Variants in WDPCP observed in about 807,000 individuals in gnomAD.
The protein encoded by WDPCP is WD repeat containing planar cell polarity effector.
A neutral mutation model predicts 93.1 loss-of-function variants in WDPCP; 71 were observed. The ratio of observed to expected loss-of-function variants is 0.76; its 90% CI spans 0.63 to 0.93. The LOEUF is 0.93. WDPCP is among the 40% of genes least tolerant of loss of function. The probability of loss-of-function intolerance (pLI) is 0.00; values close to 1 mark genes in which losing one functional copy is unlikely to be tolerated. For missense variants in WDPCP, 844 were observed against 887.4 expected (o/e 0.95, Z 0.62); for synonymous variants, 315 against 315.0 (o/e 1.00, Z 0.00).
intron 2 of WDPCP, among the ~76,000 whole-genome samples, chr2:63,705,940 T>C (rs1275751051): frequency 2.0e-5 from 3 of 152,146 alleles, no homozygotes; most frequent in Non-Finnish European, 4.4e-5. Flanking sequence ...CTAAGTCTCT[T>C]TGTAGGTCAC....
intron 3 of WDPCP, among the ~76,000 whole-genome samples, chr2:63,617,569 G>T (rs569841348): frequency 2.0e-5 from 3 of 152,296 alleles, no homozygotes; most frequent in Non-Finnish European, 4.4e-5. Flanking sequence ...GGGCTGCTCA[G>T]GGGTGGTGGA....
intron 2 of WDPCP, among the ~76,000 whole-genome samples, chr2:63,722,693 C>T (rs1475209919): frequency 6.7e-6 from 1 of 148,232 alleles, no homozygotes; most frequent in South Asian, 2.1e-4. Flanking sequence ...CCAGCCGCCC[C>T]GTCCGGGAGG....
intron 17 of WDPCP, among the ~76,000 whole-genome samples, chr2:63,134,835 C>G (rs543729413): frequency 8.5e-5 from 13 of 152,192 alleles, no homozygotes; most frequent in African/African-American, 3.1e-4. Flanking sequence ...TTTCAAAGCT[C>G]AAGATTGGGG....
chr2:63,805,238 A>C (rs1558914937), intron 2 of WDPCP, among the ~76,000 whole-genome samples: 1 of 152,182 alleles, frequency 6.6e-6, no homozygotes, highest in Non-Finnish European at 1.5e-5. Flanking sequence ...TTTTGAACCC[A>C]TATGCTCAGT....
chr2:63,204,279 G>T (rs548190662), intron 14 of WDPCP, among the ~76,000 whole-genome samples: 28 of 148,420 alleles, frequency 1.9e-4, no homozygotes, highest in African/African-American at 6.9e-4. Flanking sequence ...CTGTAGTTTT[G>T]ATTTGCATTT....
intron 1 of WDPCP, among the ~76,000 whole-genome samples, chr2:63,577,412 G>T (rs1708190437): frequency 6.6e-6 from 1 of 152,136 alleles, no homozygotes; most frequent in African/African-American, 2.4e-5. Context: ...TTGCTGAATG[G>T]AAATGAAGCA....
intron 13 of WDPCP, among the ~76,000 whole-genome samples, chr2:63,264,714 T>TA (rs1483820991): frequency 6.6e-6 from 1 of 151,972 alleles, no homozygotes; most frequent in Non-Finnish European, 1.5e-5. Flanking sequence ...AAACTACAAT[T>TA]AAAAAAATGG....
intron 2 of WDPCP, among the ~76,000 whole-genome samples, chr2:63,704,421 A>C (rs1307591084): frequency 6.6e-6 from 1 of 152,138 alleles, no homozygotes; most frequent in African/African-American, 2.4e-5. Context: ...ATTCAGTATG[A>C]TATTGGCTGT....
At chr2:63,190,203 G>A (rs927584448) in intron 14 of WDPCP, among the ~76,000 whole-genome samples, 2 of 152,000 alleles carry the variant, frequency 1.3e-5, no homozygotes, top group African/African-American at 4.8e-5. Flanking sequence ...TGAGGCGGGC[G>A]GATTGCTTGA....
intron 10 of WDPCP, among the ~76,000 whole-genome samples, chr2:63,392,980 C>T (rs1693407615): frequency 6.6e-6 from 1 of 152,234 alleles, no homozygotes; most frequent in Non-Finnish European, 1.5e-5. Flanking sequence ...GACAGTGTGG[C>T]GATTCCTCAA....
At chr2:63,621,321 G>A (rs987636323) in intron 3 of WDPCP, among the ~76,000 whole-genome samples, 1 of 151,906 alleles carries the variant, frequency 6.6e-6, no homozygotes, top group Non-Finnish European at 1.5e-5. Context: ...CCAGTTTAGA[G>A]AAGAACATAA....
chr2:63,192,308 GATC>G (rs1276960275), intron 14 of WDPCP, among the ~76,000 whole-genome samples: 1 of 152,000 alleles, frequency 6.6e-6, no homozygotes, highest in Non-Finnish European at 1.5e-5. Context: ...TGCTAAATTA[GATC>G]ATCTCTAAAA....
intron 13 of WDPCP, among the ~76,000 whole-genome samples, chr2:63,296,436 T>A (rs1684863935): frequency 6.6e-6 from 1 of 152,106 alleles, no homozygotes; most frequent in Admixed American, 6.5e-5. Flanking sequence ...TACTGGGAAG[T>A]CCTAGCTGCA....
chr2:63,202,459 C>G (rs1574862329), intron 14 of WDPCP, among the ~76,000 whole-genome samples: 1 of 152,104 alleles, frequency 6.6e-6, no homozygotes. Context: ...GAGTTTACTA[C>G]AGATCTAAAA....
At chr2:63,396,744 C>G (rs1477340080) in intron 10 of WDPCP, among the ~76,000 whole-genome samples, 1 of 151,840 alleles carries the variant, frequency 6.6e-6, no homozygotes, top group East Asian at 1.9e-4. Flanking sequence ...GCCTGTTGAA[C>G]AGATTATTTA....
intron 2 of WDPCP, among the ~76,000 whole-genome samples, chr2:63,664,781 G>A (rs1041226178): frequency 6.6e-6 from 1 of 152,162 alleles, no homozygotes; most frequent in Non-Finnish European, 1.5e-5. Context: ...TATATGTTCA[G>A]CACTTTATAT....
chr2:63,210,134 A>C (rs1676655857), intron 14 of WDPCP, among the ~76,000 whole-genome samples: 1 of 151,738 alleles, frequency 6.6e-6, no homozygotes, highest in Admixed American at 6.6e-5. Context: ...ATACATATAA[A>C]ATTATAAATG....
At chr2:63,362,896 G>A (rs191432614) in intron 12 of WDPCP, among the ~76,000 whole-genome samples, 1 of 152,156 alleles carries the variant, frequency 6.6e-6, no homozygotes, top group African/African-American at 2.4e-5. Flanking sequence ...TTCTGCTTCA[G>A]TTTCCCTATA....
intron 2 of WDPCP, among the ~76,000 whole-genome samples, chr2:63,796,894 T>G (rs1438754328): frequency 1.3e-5 from 2 of 152,024 alleles, no homozygotes; most frequent in African/African-American, 4.8e-5. Flanking sequence ...GCACCACCCC[T>G]CTCCCAACCC....
Sources: allele counts gnomAD v4.1 joint callset (sites outside exome capture counted in the v4.1 genomes callset), GRCh38; gene constraint gnomAD v4.1.1; transcripts MANE v1.5; gene names NCBI Gene and HGNC (gene_info 2026-07-23, HGNC 2026-07-21).